The following CCDC6 variants were observed in gnomAD, a reference collection of about 807,000 sequenced individuals.
CCDC6 encodes the protein coiled-coil domain-containing protein 6.
Under a neutral mutation model 56.6 loss-of-function variants are expected in CCDC6, and 20 were observed. The observed-to-expected ratio is 0.35, with a 90% CI of 0.25 to 0.51. The LOEUF (loss-of-function observed/expected upper bound fraction) is 0.51. CCDC6 is among the 20% of genes least tolerant of loss of function. The probability of loss-of-function intolerance (pLI) is 0.95; values close to 1 mark genes in which losing one functional copy is unlikely to be tolerated. For synonymous variants in CCDC6, 241 were observed against 234.4 expected, an observed-to-expected ratio of 1.03 and a Z score of -0.26; for missense variants, 367 against 601.1, an observed-to-expected ratio of 0.61 and a Z score of 4.07.
chr10:59,873,547 A>C (rs79515996), intron 1 of CCDC6, among the ~76,000 whole-genome samples: 4 of 152,256 alleles, frequency 2.6e-5, no homozygotes, highest in Non-Finnish European at 5.9e-5. Context: ...GAGAAAATTA[A>C]TTTCTATTGT....
intron 1 of CCDC6, among the ~76,000 whole-genome samples, chr10:59,885,874 A>G (rs1388847519): frequency 1.3e-5 from 2 of 150,536 alleles, no homozygotes; most frequent in African/African-American, 4.9e-5. Flanking sequence ...CTTCAATTCT[A>G]TAACTGTGAA....
At chr10:59,877,981 A>G (rs949492785) in intron 1 of CCDC6, among the ~76,000 whole-genome samples, 6 of 152,254 alleles carry the variant, frequency 3.9e-5, no homozygotes, top group East Asian at 1.9e-4. Context: ...AAAATACTTG[A>G]AAGTGTTAAG....
At chr10:59,886,701 A>G (rs1024996415) in intron 1 of CCDC6, among the ~76,000 whole-genome samples, 11 of 152,358 alleles carry the variant, frequency 7.2e-5, no homozygotes, top group Non-Finnish European at 1.6e-4. Context: ...TCAAAAGACA[A>G]TTGACAGGTG....
At chr10:59,876,736 TA>T (rs970001739) in intron 1 of CCDC6, among the ~76,000 whole-genome samples, 15 of 152,030 alleles carry the variant, frequency 9.9e-5, no homozygotes, top group Admixed American at 5.9e-4. Context: ...GTATTAAAAT[TA>T]AAAAAAATTA....
chr10:59,810,657 C>A (rs2132630428), intron 5 of CCDC6, among the ~76,000 whole-genome samples: 1 of 152,220 alleles, frequency 6.6e-6, no homozygotes, highest in African/African-American at 2.4e-5. Flanking sequence ...TAATTAACAA[C>A]CTGAGGTCCA....
At chr10:59,824,046 T>A (rs2070767444) in intron 3 of CCDC6, among the ~76,000 whole-genome samples, 1 of 152,194 alleles carries the variant, frequency 6.6e-6, no homozygotes, top group Non-Finnish European at 1.5e-5. Flanking sequence ...TTTTTCCCCT[T>A]CCATCATGTA....
chr10:59,854,800 C>G (rs1021891277), intron 1 of CCDC6, among the ~76,000 whole-genome samples: 3 of 152,222 alleles, frequency 2.0e-5, no homozygotes, highest in African/African-American at 7.2e-5. Context: ...AGCCTGCCAT[C>G]TATCCAAGCT....
chr10:59,893,518 T>C lies in CCDC6; in HGVS notation c.303+12604A>G, dbSNP rs370890725. On this transcript the variant is annotated intron_variant, in intron 1 of 8. Coordinates refer to ENST00000263102, the MANE Select transcript of CCDC6 (RefSeq NM_005436.5). ...AATTCAGGAGGCTGAGGTGGGAAGA[T>C]CGCTTTGAGCCCAGGAGGCAGAGCC... is the stretch of plus-strand genomic sequence containing the variant. Among the ~76,000 whole-genome samples the C allele has an allele frequency of 8.5e-5, 13 of 152,128 alleles. No homozygotes were observed. In the East Asian group the frequency reaches 2.5e-3, roughly 29 times the overall value.
In CCDC6 at chr10:59,792,934, G is replaced by T. The variant is rs1053266; in HGVS notation, c.1408C>A (p.Pro470Thr). The T allele has an allele frequency of 0.5, 800,138 of 1,609,104 alleles. 202,591 individuals are homozygous for T. Among genetic ancestry groups the T allele is most frequent in the Admixed American group, 0.61 (36,405 of 59,774 alleles). The change falls in exon 9 of 9, where the codon CCC (proline) becomes ACC (threonine). Residue 470 changes from proline to threonine, a missense_variant. Physicochemically the swap from Pro to Thr is conservative, Grantham distance 38. Coordinates refer to ENST00000263102, the MANE Select transcript of CCDC6 (RefSeq NM_005436.5). ...QPTPSQHSAHPSSQP is the reference protein window; with the variant it reads ...QPTPSQHSAHTSSQP ...CTCATGCATTAAGGCTGGGAGGAGG[G>T]GTGCGCCGAATGTTGCGAAGGAGTA...
intron 1 of CCDC6, among the ~76,000 whole-genome samples, chr10:59,860,047 A>G (rs1246510318): frequency 6.6e-6 from 1 of 152,166 alleles, no homozygotes; most frequent in Non-Finnish European, 1.5e-5. Context: ...GTGCCACTGT[A>G]CTCCAGTCTA....
At chr10:59,818,005 C>T (rs1242559074) in intron 3 of CCDC6, among the ~76,000 whole-genome samples, 1 of 152,106 alleles carries the variant, frequency 6.6e-6, no homozygotes, top group Admixed American at 6.6e-5. Context: ...AGTCATGCCA[C>T]CAAGATAGGA....
chr10:59,851,351 C>A (rs2071037629), intron 2 of CCDC6, among the ~76,000 whole-genome samples: 1 of 152,030 alleles, frequency 6.6e-6, no homozygotes, highest in Admixed American at 6.6e-5. Context: ...AATGAATAAA[C>A]AAAAAGTTTC....
At chr10:59,877,025 G>T (rs1329770931) in intron 1 of CCDC6, among the ~76,000 whole-genome samples, 5 of 152,110 alleles carry the variant, frequency 3.3e-5, no homozygotes, top group Non-Finnish European at 5.9e-5. Flanking sequence ...GCAGGCAATT[G>T]TAACATAAGA....
chr10:59,834,492 G>A (rs2070863616), intron 2 of CCDC6, among the ~76,000 whole-genome samples: 1 of 151,972 alleles, frequency 6.6e-6, no homozygotes, highest in Non-Finnish European at 1.5e-5. Flanking sequence ...GTTGCAGGGA[G>A]GCGGAGGTTG....
chr10:59,855,148 G>A (rs1451414142), intron 1 of CCDC6, among the ~76,000 whole-genome samples: 1 of 152,234 alleles, frequency 6.6e-6, no homozygotes, highest in Non-Finnish European at 1.5e-5. Context: ...TTATTCTTGT[G>A]AGAAGTTGAA....
intron 1 of CCDC6, among the ~76,000 whole-genome samples, chr10:59,897,249 T>A (rs1359932965): frequency 6.6e-6 from 1 of 152,012 alleles, no homozygotes; most frequent in East Asian, 1.9e-4. Flanking sequence ...GTTGGTATAT[T>A]AGGATAATTT....
At chr10:59,842,383 C>T (rs1260274570) in intron 2 of CCDC6, among the ~76,000 whole-genome samples, 1 of 152,144 alleles carries the variant, frequency 6.6e-6, no homozygotes, top group Non-Finnish European at 1.5e-5. Context: ...GGTTTCAGTT[C>T]TATTCTTAGT....
chr10:59,896,363 T>G (rs2071463772), intron 1 of CCDC6, among the ~76,000 whole-genome samples: 1 of 152,094 alleles, frequency 6.6e-6, no homozygotes, highest in African/African-American at 2.4e-5. Context: ...TCATCCAGCA[T>G]CTCCACATCT....
chr10:59,845,780 A>AAGCC (rs1456759618), intron 2 of CCDC6, among the ~76,000 whole-genome samples: 2 of 152,228 alleles, frequency 1.3e-5, no homozygotes, highest in Non-Finnish European at 2.9e-5. Flanking sequence ...CCTGAAAAAC[A>AAGCC]AGCCAGGAGG....
Sources: allele counts gnomAD v4.1 joint callset (sites outside exome capture counted in the v4.1 genomes callset), GRCh38; gene constraint gnomAD v4.1.1; transcripts MANE v1.5; gene names NCBI Gene and HGNC (gene_info 2026-07-23, HGNC 2026-07-21).